Variants in PAPPA2 observed in about 807,000 individuals in gnomAD.
PAPPA2 encodes pappalysin-2.
PAPPA2 carries 86 observed loss-of-function variants against 176.4 expected under a neutral mutation model. The ratio of observed to expected loss-of-function variants is 0.49; its 90% CI spans 0.41 to 0.58. PAPPA2 has a LOEUF of 0.58. Ranked by LOEUF, PAPPA2 falls within the 20% of genes least tolerant of loss-of-function variation. The pLI, the probability that PAPPA2 is intolerant of heterozygous loss-of-function variation, is 0.00. For missense variants in PAPPA2, 2,073 were observed against 2,256.9 expected, an observed-to-expected ratio of 0.92 and a Z score of 1.65; for synonymous variants, 809 against 852.2, an observed-to-expected ratio of 0.95 and a Z score of 0.88.
At position 176,826,911 on chromosome 1, in the gene PAPPA2, A is replaced by G. The variant is rs566227849; in HGVS notation, c.5203-13262A>G. Among the ~76,000 whole-genome samples, 11 of 152,360 alleles carry G rather than the reference A, an allele frequency of 7.2e-5. No homozygotes were observed. The East Asian group carries it at 1.5e-3, about 21-fold the overall frequency. On this transcript the variant is annotated intron_variant, in intron 21 of 22. Coordinates refer to ENST00000367662, the MANE Select transcript of PAPPA2 (RefSeq NM_020318.3). ...AGGTCTTGCTACTTAATCAAGATCT[A>G]TGTCCCATGACTCAGACCTTTGATT...
At chr1:176,591,085 G>GCA (rs66535582) in intron 2 of PAPPA2, among the ~76,000 whole-genome samples, 9,577 of 142,212 alleles carry the variant, frequency 0.067, 350 homozygotes, top group Admixed American at 0.11. Flanking sequence ...TCACACACAT[G>GCA]CACACACACA....
chr1:176,560,991 A>G (rs1651636471), intron 2 of PAPPA2, among the ~76,000 whole-genome samples: 1 of 152,184 alleles, frequency 6.6e-6, no homozygotes, highest in African/African-American at 2.4e-5. Context: ...TGTGGGGAGC[A>G]CAAAGATGTC....
intron 14 of PAPPA2, among the ~76,000 whole-genome samples, chr1:176,760,338 C>T (rs1663641706): frequency 6.6e-6 from 1 of 152,120 alleles, no homozygotes; most frequent in Non-Finnish European, 1.5e-5. Context: ...AATGATGAAG[C>T]AGTGGGGCCA....
intron 17 of PAPPA2, among the ~76,000 whole-genome samples, chr1:176,775,907 C>T (rs1052505671): frequency 2.6e-5 from 4 of 152,100 alleles, no homozygotes; most frequent in Non-Finnish European, 5.9e-5. Flanking sequence ...GTCTCTGAGA[C>T]TTTTTTATTT....
intron 3 of PAPPA2, among the ~76,000 whole-genome samples, chr1:176,601,024 C>G (rs185417192): frequency 2.0e-5 from 3 of 152,230 alleles, no homozygotes; most frequent in African/African-American, 7.2e-5. Flanking sequence ...TCCCAAAGTT[C>G]ATATGTTAGA....
chr1:176,692,738 G>A (rs1358247417), intron 6 of PAPPA2, among the ~76,000 whole-genome samples: 2 of 152,164 alleles, frequency 1.3e-5, no homozygotes, highest in Admixed American at 1.3e-4. Flanking sequence ...ATGGTAGTGT[G>A]CCCACTGCCA....
chr1:176,788,859 T>A (rs1049685353), intron 17 of PAPPA2, among the ~76,000 whole-genome samples: 2 of 152,172 alleles, frequency 1.3e-5, no homozygotes, highest in African/African-American at 4.8e-5. Context: ...TTCTGAAAGT[T>A]AGGTTCAGAA....
At chr1:176,636,213 A>G (rs541149421) in intron 3 of PAPPA2, among the ~76,000 whole-genome samples, 1 of 152,244 alleles carries the variant, frequency 6.6e-6, no homozygotes, top group South Asian at 2.1e-4. Context: ...AACTTGCTCA[A>G]TTTGCAGAGA....
At chr1:176,696,026 G>A (rs1660366611) in intron 7 of PAPPA2, among the ~76,000 whole-genome samples, 167 bp downstream of exon 7, 1 of 150,814 alleles carries the variant, frequency 6.6e-6, no homozygotes, top group Non-Finnish European at 1.5e-5. Flanking sequence ...ATATCTTTTG[G>A]AGCTGCCTGG....
At chr1:176,503,942 GA>G (rs1199771606) in intron 1 of PAPPA2, among the ~76,000 whole-genome samples, 1 of 152,142 alleles carries the variant, frequency 6.6e-6, no homozygotes, top group Non-Finnish European at 1.5e-5. Flanking sequence ...CATCTCTACA[GA>G]AGTGGGATGA....
chr1:176,660,182 G>C (rs1658279239), intron 3 of PAPPA2, among the ~76,000 whole-genome samples: 1 of 152,054 alleles, frequency 6.6e-6, no homozygotes, highest in African/African-American at 2.4e-5. Context: ...GCAGTACATA[G>C]TGTTTGTGCC....
intron 1 of PAPPA2, among the ~76,000 whole-genome samples, chr1:176,486,323 T>A (rs1272165981): frequency 2.6e-5 from 4 of 152,210 alleles, no homozygotes; most frequent in Non-Finnish European, 4.4e-5. Context: ...AGAATTAATG[T>A]CTTCTTTACT....
chr1:176,591,116 C>CAT (rs1304867487), intron 2 of PAPPA2, among the ~76,000 whole-genome samples: 1 of 151,432 alleles, frequency 6.6e-6, no homozygotes, highest in Non-Finnish European at 1.5e-5. Flanking sequence ...CACACACACA[C>CAT]ACACACACAA....
At chr1:176,573,320 G>A (rs576930393) in intron 2 of PAPPA2, among the ~76,000 whole-genome samples, 1 of 152,166 alleles carries the variant, frequency 6.6e-6, no homozygotes, top group Non-Finnish European at 1.5e-5. Flanking sequence ...TTGATAGAAA[G>A]AGAAGCCTAC....
At chr1:176,474,220 C>T (rs1169872912) in intron 1 of PAPPA2, among the ~76,000 whole-genome samples, 1 of 152,078 alleles carries the variant, frequency 6.6e-6, no homozygotes. Flanking sequence ...TTTACATGTC[C>T]AAGGTAAGTT....
rs182211151 is a variant in PAPPA2 at position 176,760,259 on chromosome 1, A to T, written c.4152-5407A>T. ...ATTCAAAGTTTCTTCAGAAAAGGGG[A>T]TATGTTTTATGCTTTTGATCTACCT... is the stretch of plus-strand genomic sequence containing the variant. On this transcript the variant is annotated intron_variant, in intron 14 of 22. Transcript: ENST00000367662. Among the ~76,000 whole-genome samples, 70 of 152,226 alleles carry T rather than the reference A, an allele frequency of 4.6e-4. 2 individuals carry two copies. The highest frequency in any genetic ancestry group is 1.7e-3 in the South Asian group (8 of 4,822).
intron 1 of PAPPA2, among the ~76,000 whole-genome samples, chr1:176,493,601 C>G (rs888244021): frequency 6.6e-6 from 1 of 152,080 alleles, no homozygotes; most frequent in Middle Eastern, 3.2e-3. Context: ...TCTTTGCAGG[C>G]AGGAAGATAC....
At position 176,523,133 on chromosome 1, in the gene PAPPA2, TCAAA is replaced by T. The variant is rs544714185; in HGVS notation, c.-916-32271_-916-32268del. ...TCAGGGGCACCTCAACCAAACCAAA[TCAAA>T]CAGTTTTGTTCTTGGTGAGCTATTG... is the stretch of plus-strand genomic sequence containing the variant. On this transcript the variant is annotated intron_variant, in intron 1 of 22. Transcript: ENST00000367662. Among the ~76,000 whole-genome samples the T allele has an allele frequency of 6.6e-5, 10 of 152,270 alleles. No individual in the cohort carries two copies. In the East Asian group the frequency reaches 1.9e-3, roughly 29 times the overall value.
intron 2 of PAPPA2, among the ~76,000 whole-genome samples, chr1:176,586,058 G>A (rs773444527): frequency 5.3e-5 from 8 of 151,980 alleles, no homozygotes; most frequent in Non-Finnish European, 1.0e-4. Context: ...TTCCTTTGGA[G>A]GTGTAATGTT....
Sources: gnomAD v4.1 joint callset for allele counts (sites outside exome capture counted in the v4.1 genomes callset) on GRCh38, gnomAD v4.1.1 for gene constraint, MANE v1.5 for transcripts, NCBI Gene and HGNC (gene_info 2026-07-23, HGNC 2026-07-21) for gene names.